PTPRN2: variants seen among roughly 807,000 people sequenced by gnomAD.
The protein encoded by PTPRN2 is protein tyrosine phosphatase receptor type N2, also known as receptor-type tyrosine-protein phosphatase N2.
PTPRN2 carries 74 observed loss-of-function variants against 118.8 expected under a neutral mutation model. That is an observed-to-expected ratio of 0.62 (90% CI 0.52 to 0.76). The LOEUF is 0.76. Ranked by LOEUF, PTPRN2 falls within the 30% of genes least tolerant of loss-of-function variation. The probability of loss-of-function intolerance (pLI) is 0.00; values close to 1 mark genes in which losing one functional copy is unlikely to be tolerated. For synonymous variants in PTPRN2, 641 were observed against 608.0 expected, an observed-to-expected ratio of 1.05 and a Z score of -0.80; for missense variants, 1,481 against 1,394.4, an observed-to-expected ratio of 1.06 and a Z score of -0.99.
intron 14 of PTPRN2, among the ~76,000 whole-genome samples, chr7:157,637,246 T>C (rs992362184): frequency 1.3e-5 from 2 of 152,090 alleles, no homozygotes; most frequent in African/African-American, 4.8e-5. Flanking sequence ...AAACAGATCA[T>C]AGGAAAAGAG....
intron 11 of PTPRN2, among the ~76,000 whole-genome samples, chr7:158,057,668 C>T (rs757782544): frequency 2.0e-4 from 30 of 152,168 alleles, no homozygotes; most frequent in Non-Finnish European, 3.5e-4. Context: ...GCCCAGGCCC[C>T]ACTTCCTCAT....
rs972073191 is a variant in PTPRN2, at chr7:157,944,814, C to T, written c.1724-46077G>A. On this transcript the variant is annotated intron_variant, in intron 11 of 22. Coordinates refer to ENST00000389418, the MANE Select transcript of PTPRN2 (RefSeq NM_002847.5). This position sits in a 1 kb window ranked among gnomAD's most constrained non-coding sequence, Gnocchi z 4.3. ...CCGCACCTGGCCAGCTCTGCCCTTG[C>T]TCATCAGCTGGGAAGCAGCATGCTT... Among the ~76,000 whole-genome samples, 15 of 152,212 alleles carry T rather than the reference C, an allele frequency of 9.9e-5. No individual in the cohort carries two copies. The highest frequency in any genetic ancestry group is 1.9e-4 in the Non-Finnish European group (13 of 68,042).
chr7:158,203,963 A>AGGAAAG (rs1826886534), intron 4 of PTPRN2, among the ~76,000 whole-genome samples: 1 of 149,996 alleles, frequency 6.7e-6, no homozygotes. Context: ...CCGCGTGCTG[A>AGGAAAG]AGTCGCAGCC....
rs1457808742 is a variant in PTPRN2, at chr7:157,598,790, G to A, written c.2419-3475C>T. 6.6e-6 allele frequency among the ~76,000 whole-genome samples: 1 copy of A among 152,196 alleles called. No homozygotes were observed. The highest frequency in any genetic ancestry group is 1.5e-5 in the Non-Finnish European group (1 of 68,044). On this transcript the variant is annotated intron_variant, in intron 16 of 22. Coordinates refer to ENST00000389418, the MANE Select transcript of PTPRN2 (RefSeq NM_002847.5). This position sits in a 1 kb window ranked among gnomAD's most constrained non-coding sequence, Gnocchi z 5.2. ...GGAAGGAAGGATGCTGCTTCCTCAA[G>A]CACAGAGCTGCTGTGTCCTCCAGTG...
intron 11 of PTPRN2, among the ~76,000 whole-genome samples, chr7:157,908,266 C>T (rs1797890179): frequency 6.6e-6 from 1 of 152,236 alleles, no homozygotes; most frequent in African/African-American, 2.4e-5. Context: ...CCCCTGCGCC[C>T]AGCACTTCTG....
At chr7:157,959,558 G>C (rs984467173) in intron 11 of PTPRN2, among the ~76,000 whole-genome samples, 1 of 152,272 alleles carries the variant, frequency 6.6e-6, no homozygotes. Context: ...CAAAGACGAC[G>C]TGCAGATGGA....
chr7:157,822,489 A>T (rs1806909285), intron 12 of PTPRN2, among the ~76,000 whole-genome samples: 1 of 151,970 alleles, frequency 6.6e-6, no homozygotes, highest in African/African-American at 2.4e-5. Context: ...TATGCTATCC[A>T]TCATCCATCC....
intron 11 of PTPRN2, among the ~76,000 whole-genome samples, chr7:158,060,303 C>T (rs1250473399): frequency 1.4e-5 from 2 of 141,618 alleles, no homozygotes; most frequent in Non-Finnish European, 1.5e-5. Flanking sequence ...TGCAGCCACG[C>T]TCCATCTGCA....
At chr7:157,998,691 C>T (rs1467137991) in intron 11 of PTPRN2, among the ~76,000 whole-genome samples, 1 of 152,014 alleles carries the variant, frequency 6.6e-6, no homozygotes, top group African/African-American at 2.4e-5. Context: ...GGTGTGTTGG[C>T]AGGCACCTGC....
chr7:157,583,337 A>G lies in PTPRN2; in HGVS notation c.2497-5197T>C, dbSNP rs1447082984. On this transcript the variant is annotated intron_variant, in intron 17 of 22. Transcript: ENST00000389418. This position sits in a 1 kb window ranked among gnomAD's most constrained non-coding sequence, Gnocchi z 5.5. ...GGGGCTGAGGGTGGAATGGGGAGCAATTGATCCAAAGGTAGTAACTTCCAG... is the reference window on the plus strand; with the variant it reads ...GGGGCTGAGGGTGGAATGGGGAGCAGTTGATCCAAAGGTAGTAACTTCCAG... Among the ~76,000 whole-genome samples, 1 of 152,044 alleles carries G rather than the reference A, an allele frequency of 6.6e-6. No homozygotes were observed. The highest frequency in any genetic ancestry group is 2.4e-5 in the African/African-American group (1 of 41,414).
intron 12 of PTPRN2, among the ~76,000 whole-genome samples, chr7:157,790,735 G>A (rs1228398033): frequency 1.3e-5 from 2 of 152,088 alleles, no homozygotes; most frequent in Non-Finnish European, 2.9e-5. Context: ...GGTTCAAGTT[G>A]TCACAAAACC....
intron 21 of PTPRN2, among the ~76,000 whole-genome samples, chr7:157,559,908 A>G (rs1027146313): frequency 2.7e-4 from 41 of 151,948 alleles, no homozygotes; most frequent in African/African-American, 8.7e-4. Context: ...CTGTGGCCTC[A>G]TCCAGCTCCT....
chr7:158,582,796 CAAAAAAA>C (rs1156687117), intron 1 of PTPRN2, among the ~76,000 whole-genome samples: 5,640 of 44,028 alleles, frequency 0.13, 113 homozygotes, highest in Non-Finnish European at 0.19. Flanking sequence ...GACTCCATCT[CAAAAAAA>C]AAAAAAAAAA....
At chr7:157,604,410 A>G (rs1563253711) in intron 15 of PTPRN2, among the ~76,000 whole-genome samples, 1 of 152,216 alleles carries the variant, frequency 6.6e-6, no homozygotes, top group Non-Finnish European at 1.5e-5. Context: ...GGGAACTGGC[A>G]CAAAGCTCCC....
In PTPRN2 at chr7:157,977,387, G is replaced by T. The variant is rs1802831084; in HGVS notation, c.1724-78650C>A. On this transcript the variant is annotated intron_variant, in intron 11 of 22. Coordinates refer to ENST00000389418, the MANE Select transcript of PTPRN2 (RefSeq NM_002847.5). This position sits in a 1 kb window ranked among gnomAD's most constrained non-coding sequence, Gnocchi z 4.6. The stretch of plus-strand genomic sequence containing the variant: ...TGCTCTGGAGTGACAGGGGTGGGAG[G>T]GGTTTATCAGAGATCTGGGAGCCAG... 6.6e-6 allele frequency among the ~76,000 whole-genome samples: 1 copy of T among 151,874 alleles called. No homozygotes were observed. Among genetic ancestry groups the T allele is most frequent in the African/African-American group, 2.4e-5 (1 of 41,396 alleles).
intron 12 of PTPRN2, among the ~76,000 whole-genome samples, chr7:157,895,056 C>CA (rs1554484929): frequency 1.6e-4 from 24 of 151,822 alleles, no homozygotes; most frequent in Admixed American, 7.2e-4. Context: ...ACCCCTCCCC[C>CA]ACAGGAGGGG....
At position 158,383,500 on chromosome 7, in the gene PTPRN2, G is replaced by A. The variant is rs150658684; in HGVS notation, c.164-66568C>T. On this transcript the variant is annotated intron_variant, in intron 2 of 22. Coordinates refer to ENST00000389418, the MANE Select transcript of PTPRN2 (RefSeq NM_002847.5). The stretch of plus-strand genomic sequence containing the variant: ...GTTTAAAGTGCAGAGTTTTGCCATG[G>A]AATGCCCTTTCAATTTTTTATTAAT... Among the ~76,000 whole-genome samples the A allele has an allele frequency of 3.3e-3, 508 of 152,290 alleles. 6 individuals are homozygous for A. The highest frequency in any genetic ancestry group is 0.012 in the African/African-American group (485 of 41,566).
At chr7:158,475,461 G>A (rs1009511246) in intron 2 of PTPRN2, among the ~76,000 whole-genome samples, 12 of 152,158 alleles carry the variant, frequency 7.9e-5, no homozygotes, top group Middle Eastern at 3.4e-3. Flanking sequence ...TGCACGCTTC[G>A]CCCCTGCTTA....
At chr7:157,832,584 C>T (rs1807637346) in intron 12 of PTPRN2, among the ~76,000 whole-genome samples, 2 of 151,836 alleles carry the variant, frequency 1.3e-5, no homozygotes, top group Non-Finnish European at 2.9e-5. Flanking sequence ...CTAGATGCCA[C>T]AAAAATTGCT....
Sources: gnomAD v4.1 joint callset for allele counts (sites outside exome capture counted in the v4.1 genomes callset) on GRCh38, gnomAD v4.1.1 for gene constraint, Gnocchi (gnomAD v3.1) non-coding constraint, MANE v1.5 for transcripts, NCBI Gene and HGNC (gene_info 2026-07-23, HGNC 2026-07-21) for gene names.